The following SV2B variants were observed in gnomAD, a reference collection of about 807,000 sequenced individuals.
SV2B encodes synaptic vesicle glycoprotein 2B, also known as solute carrier family 22 member B2.
A neutral mutation model predicts 73.9 loss-of-function variants in SV2B; 41 were observed. The observed-to-expected ratio is 0.56, with a 90% CI of 0.43 to 0.72. SV2B has a LOEUF of 0.72. SV2B is among the 30% of genes least tolerant of loss of function. The pLI is 0.00. For synonymous variants in SV2B, 314 were observed against 314.2 expected, an observed-to-expected ratio of 1.00 and a Z score of 0.01; for missense variants, 764 against 857.8, an observed-to-expected ratio of 0.89 and a Z score of 1.37.
At chr15:91,116,401 C>A (rs1451253671) in intron 1 of SV2B, among the ~76,000 whole-genome samples, 1 of 152,164 alleles carries the variant, frequency 6.6e-6, no homozygotes, top group Non-Finnish European at 1.5e-5. Context: ...TGTATAATCC[C>A]AGCAGCTGGC....
At chr15:91,102,659 T>C (rs144665793) in intron 1 of SV2B, among the ~76,000 whole-genome samples, 164 of 152,280 alleles carry the variant, frequency 1.1e-3, no homozygotes, top group African/African-American at 3.7e-3. Context: ...TAAATAAGTA[T>C]AGAGTGTATC....
At chr15:91,263,928 C>T (rs2048015512) in intron 6 of SV2B, among the ~76,000 whole-genome samples, 2 of 152,226 alleles carry the variant, frequency 1.3e-5, no homozygotes, top group African/African-American at 2.4e-5. Context: ...CAGTAGGTTA[C>T]TAGTGTTTTA....
At position 91,253,499 on chromosome 15, in the gene SV2B, CT is replaced by C. The variant is rs1214556926; in HGVS notation, c.784+980del. 6.6e-6 allele frequency among the ~76,000 whole-genome samples: 1 copy of C among 152,254 alleles called. No homozygotes were observed. Among genetic ancestry groups the C allele is most frequent in the East Asian group, 1.9e-4 (1 of 5,200 alleles). ...ACTGTATTAGTTAAGGTGTTGGACA[CT>C]GGGTACATTACCTTGACAAGCTGAT... is the stretch of plus-strand genomic sequence containing the variant. On this transcript the variant is annotated intron_variant, in intron 4 of 12. Transcript: ENST00000394232. The surrounding 1 kb of genome is among the most constrained non-coding windows in gnomAD (Gnocchi z 5.0).
chr15:91,195,381 A>G (rs1567334182), intron 1 of SV2B, among the ~76,000 whole-genome samples: 1 of 152,154 alleles, frequency 6.6e-6, no homozygotes, highest in African/African-American at 2.4e-5. Flanking sequence ...ACTGGTCTTG[A>G]ACTTCTGGCC....
chr15:91,226,175 T>C lies in SV2B; in HGVS notation c.-89T>C. ...CATATTTCACATTTGAACTACATAA[T>C]GAATGATGGTTATTGAAATAGCCCA... On this transcript the variant is annotated 5_prime_UTR_variant, in exon 2 of 13. The change abolishes an upstream ATG in the 5' untranslated region. Coordinates refer to ENST00000394232, the MANE Select transcript of SV2B (RefSeq NM_001323032.3). 1 of 1,264,080 alleles carries C rather than the reference T, an allele frequency of 7.9e-7. No homozygotes were observed. The allele number at this position is 1,264,080 out of a possible 1,614,324, so 78.3% of individuals were successfully genotyped here.
At position 91,141,660 on chromosome 15, in the gene SV2B, G is replaced by A. The variant is rs2042998861; in HGVS notation, c.-392+41297G>A. ...CTTAGCCTATTGCCTGGCACACAGT[G>A]AATGCTTAATAAATCATTCATATTA... is the stretch of plus-strand genomic sequence containing the variant. On this transcript the variant is annotated intron_variant, in intron 1 of 12. Transcript: ENST00000394232. This position sits in a 1 kb window ranked among gnomAD's most constrained non-coding sequence, Gnocchi z 4.6. Among the ~76,000 whole-genome samples, 1 of 152,022 alleles carries A rather than the reference G, an allele frequency of 6.6e-6. No homozygotes were observed. The highest frequency in any genetic ancestry group is 6.6e-5 in the Admixed American group (1 of 15,266).
At chr15:91,134,190 G>C (rs113543923) in intron 1 of SV2B, among the ~76,000 whole-genome samples, 2,516 of 151,690 alleles carry the variant, frequency 0.017, 91 homozygotes, top group African/African-American at 0.058. Flanking sequence ...GTAGAGATGG[G>C]TTTCACCATG....
At position 91,252,212 on chromosome 15, in the gene SV2B, C is replaced by A. The variant is rs1473386806; in HGVS notation, c.633-157C>A. 1.4e-4 allele frequency among the ~76,000 whole-genome samples: 22 copies of A among 152,334 alleles called. No individual in the cohort carries two copies. The highest frequency in any genetic ancestry group is 2.1e-4 in the South Asian group (1 of 4,828). Reference sequence around the variant, plus strand: ...GCAATGTCAAAATAATCCAAGACTGCTTCCCACATGTAGAGAGGAACTAAC... The same window carrying A: ...GCAATGTCAAAATAATCCAAGACTGATTCCCACATGTAGAGAGGAACTAAC... On this transcript the variant is annotated intron_variant, in intron 3 of 12. Coordinates refer to ENST00000394232, the MANE Select transcript of SV2B (RefSeq NM_001323032.3). The surrounding 1 kb of genome is among the most constrained non-coding windows in gnomAD (Gnocchi z 4.6).
chr15:91,253,049 A>G lies in SV2B; in HGVS notation c.784+529A>G, dbSNP rs2047553127. Among the ~76,000 whole-genome samples, 1 of 152,184 alleles carries G rather than the reference A, an allele frequency of 6.6e-6. No homozygotes were observed. The highest frequency in any genetic ancestry group is 1.5e-5 in the Non-Finnish European group (1 of 68,036). On this transcript the variant is annotated intron_variant, in intron 4 of 12. Coordinates refer to ENST00000394232, the MANE Select transcript of SV2B (RefSeq NM_001323032.3). The surrounding 1 kb of genome is among the most constrained non-coding windows in gnomAD (Gnocchi z 5.0). ...CACTCTTGTTTGGCCGTGACAGTGC[A>G]GGAGCCCTTATAGACAAGGTCATGG...
intron 10 of SV2B, among the ~76,000 whole-genome samples, chr15:91,282,580 G>C (rs549533430): frequency 1.3e-5 from 2 of 152,286 alleles, no homozygotes; most frequent in African/African-American, 4.8e-5. Context: ...AGGAAACTGA[G>C]TTAAGGAAAT....
rs1447479099 is a variant in SV2B, at chr15:91,137,738, A to G, written c.-392+37375A>G. On this transcript the variant is annotated intron_variant, in intron 1 of 12. Coordinates refer to ENST00000394232, the MANE Select transcript of SV2B (RefSeq NM_001323032.3). The surrounding 1 kb of genome is among the most constrained non-coding windows in gnomAD (Gnocchi z 4.9). The stretch of plus-strand genomic sequence containing the variant: ...TAATTGTAGCCAACAGCATTAATTC[A>G]TCGGAACACATCAAATATGTTTAAC... 6.6e-6 allele frequency among the ~76,000 whole-genome samples: 1 copy of G among 151,512 alleles called. No homozygotes were observed. The highest frequency in any genetic ancestry group is 1.5e-5 in the Non-Finnish European group (1 of 67,924).
At chr15:91,101,654 G>C (rs899215396) in intron 1 of SV2B, among the ~76,000 whole-genome samples, 17 of 152,178 alleles carry the variant, frequency 1.1e-4, no homozygotes, top group Middle Eastern at 6.8e-3. Context: ...CATGGATTAG[G>C]CATGGCGTGG....
At chr15:91,201,306 A>G (rs1364338844) in intron 1 of SV2B, among the ~76,000 whole-genome samples, 2 of 152,224 alleles carry the variant, frequency 1.3e-5, no homozygotes, top group Non-Finnish European at 1.5e-5. Flanking sequence ...TGCTGATTGC[A>G]TGGGAGCCAC....
chr15:91,287,598 C>T (rs1475762834), intron 11 of SV2B, among the ~76,000 whole-genome samples: 7 of 152,172 alleles, frequency 4.6e-5, no homozygotes, highest in Admixed American at 1.3e-4. Flanking sequence ...TCTATAAGGG[C>T]TGTGCTGCTC....
At chr15:91,145,708 T>A (rs1287765315) in intron 1 of SV2B, among the ~76,000 whole-genome samples, 7 of 152,252 alleles carry the variant, frequency 4.6e-5, no homozygotes, top group South Asian at 4.1e-4. Flanking sequence ...GATATCTCAT[T>A]GTGGTTTTGA....
At chr15:91,217,884 C>T (rs1181426488) in intron 1 of SV2B, among the ~76,000 whole-genome samples, 2 of 152,194 alleles carry the variant, frequency 1.3e-5, no homozygotes, top group African/African-American at 4.8e-5. Context: ...GACTATGATT[C>T]AGGTCCTGTC....
chr15:91,201,946 T>A (rs1226689539), intron 1 of SV2B, among the ~76,000 whole-genome samples: 1 of 152,198 alleles, frequency 6.6e-6, no homozygotes, highest in Non-Finnish European at 1.5e-5. Flanking sequence ...AGCCAGGTGA[T>A]CCTTTTAAGA....
intron 9 of SV2B, among the ~76,000 whole-genome samples, chr15:91,278,641 T>TCC (rs1555496255): frequency 0.028 from 2,555 of 90,290 alleles, 59 homozygotes; most frequent in Non-Finnish European, 0.041. Flanking sequence ...ATTGCGCCAC[T>TCC]GCAGTCCGGC....
intron 2 of SV2B, among the ~76,000 whole-genome samples, chr15:91,228,330 A>G (rs112665838): frequency 2.2e-3 from 338 of 152,278 alleles, no homozygotes; most frequent in Middle Eastern, 0.01. Context: ...TCTTTTTCAT[A>G]TTAAAAAATT....
Sources: gnomAD v4.1 joint callset for allele counts (sites outside exome capture counted in the v4.1 genomes callset) on GRCh38, gnomAD v4.1.1 for gene constraint, Gnocchi (gnomAD v3.1) non-coding constraint, MANE v1.5 for transcripts, NCBI Gene and HGNC (gene_info 2026-07-23, HGNC 2026-07-21) for gene names.